AQP9: variants seen among roughly 807,000 people sequenced by gnomAD.
AQP9 encodes the protein aquaporin 9, also known as aquaporin-9.
Under a neutral mutation model 23.8 loss-of-function variants are expected in AQP9, and 19 were observed. The ratio of observed to expected loss-of-function variants is 0.80; its 90% CI spans 0.56 to 1.17. AQP9 has a LOEUF of 1.17. Ranked by LOEUF, AQP9 falls within the 50% of genes most tolerant of loss-of-function variation. The pLI is 0.00. For missense variants in AQP9, 413 were observed against 362.0 expected (o/e 1.14, Z -1.14); for synonymous variants, 153 against 131.5 (o/e 1.16, Z -1.12).
chr15:58,149,421 C>A (rs773887329), intron 1 of AQP9, among the ~76,000 whole-genome samples: 9 of 152,156 alleles, frequency 5.9e-5, no homozygotes, highest in Non-Finnish European at 1.3e-4. Flanking sequence ...CAAACCTTGG[C>A]CCCAGCACGT....
chr15:58,183,930 A>G, intron 5 of AQP9, 31 bp from the exon 6 acceptor site: 2 of 1,611,436 alleles, frequency 1.2e-6, no homozygotes, highest in Non-Finnish European at 8.5e-7. Context: ...AAGGCCAAGA[A>G]ATGTATCACT....
intron 1 of AQP9, among the ~76,000 whole-genome samples, chr15:58,141,036 A>G (rs1233041715): frequency 2.0e-5 from 3 of 152,330 alleles, no homozygotes; most frequent in South Asian, 2.1e-4. Flanking sequence ...ACCAACAACA[A>G]TTAAGTCATA....
chr15:58,174,158 C>A (rs1337506093), intron 3 of AQP9, among the ~76,000 whole-genome samples: 6 of 151,956 alleles, frequency 3.9e-5, no homozygotes, highest in Admixed American at 2.6e-4. Context: ...TGTGGTAACT[C>A]ACATCTGTAG....
At chr15:58,177,822 G>T (rs1898792400) in intron 4 of AQP9, among the ~76,000 whole-genome samples, 2 of 152,108 alleles carry the variant, frequency 1.3e-5, no homozygotes, top group Non-Finnish European at 2.9e-5. Context: ...TAATAACATA[G>T]AAACCAGCTA....
intron 2 of AQP9, among the ~76,000 whole-genome samples, chr15:58,170,526 T>A (rs1898596929): frequency 6.6e-6 from 1 of 151,994 alleles, no homozygotes; most frequent in South Asian, 2.1e-4. Context: ...TGCCTCAGCC[T>A]CCCAAGTAGC....
intron 1 of AQP9, among the ~76,000 whole-genome samples, chr15:58,140,273 G>A (rs144470740): frequency 4.0e-5 from 6 of 148,688 alleles, no homozygotes; most frequent in East Asian, 2.0e-4. Flanking sequence ...TCATAATCCC[G>A]TGCTTTCTGT....
At chr15:58,181,488 A>G (rs1012863899) in intron 5 of AQP9, among the ~76,000 whole-genome samples, 2 of 152,220 alleles carry the variant, frequency 1.3e-5, no homozygotes, top group Non-Finnish European at 2.9e-5. Flanking sequence ...GAACATTTAT[A>G]GTATTTGGAT....
chr15:58,147,592 T>C (rs1898070773), intron 1 of AQP9, among the ~76,000 whole-genome samples: 1 of 152,158 alleles, frequency 6.6e-6, no homozygotes, highest in African/African-American at 2.4e-5. Flanking sequence ...CATGCTAAGA[T>C]GTGAGCCTAG....
intron 5 of AQP9, 110 bp downstream of exon 5, chr15:58,179,455 A>C: frequency 1.1e-6 from 1 of 893,636 alleles, no homozygotes. Flanking sequence ...CGCCAACGTT[A>C]ACTGCACACT....
Position 58,174,929 on chromosome 15 carries a change from T to A in AQP9, c.388T>A (p.Ser130Thr), listed in dbSNP as rs1250304680. 4 of 1,614,110 alleles carry A rather than the reference T, an allele frequency of 2.5e-6. No individual in the cohort carries two copies. The highest frequency in any genetic ancestry group is 1.6e-4 in the Middle Eastern group (1 of 6,062). Residue 130 changes from serine to threonine, a missense_variant, in exon 4 of 6, where the codon TCC (serine) becomes ACC (threonine). Ser to Thr is a moderately conservative substitution (Grantham distance 58). Coordinates refer to ENST00000219919, the MANE Select transcript of AQP9 (RefSeq NM_020980.5). ...VFGIYYDGLM[S>T]FAGGKLLIVG... The stretch of plus-strand genomic sequence containing the variant: ...TTTCTCTTTCATAGATGGACTTATG[T>A]CCTTTGCTGGTGGAAAACTGCTGAT...
chr15:58,172,515 G>A (rs1227653926), intron 2 of AQP9, among the ~76,000 whole-genome samples: 2 of 152,190 alleles, frequency 1.3e-5, no homozygotes, highest in Non-Finnish European at 2.9e-5. Context: ...CAGAGGAACT[G>A]AGAACAAGCC....
At chr15:58,163,851 A>G (rs2140613686) in intron 1 of AQP9, 1 of 152,314 alleles carries the variant, frequency 6.6e-6, no homozygotes, top group African/African-American at 2.4e-5. Context: ...GATCTCCAGC[A>G]AGCAGCCCAT....
chr15:58,171,194 T>C (rs137923080), intron 2 of AQP9, among the ~76,000 whole-genome samples: 2,235 of 152,052 alleles, frequency 0.015, 23 homozygotes, highest in Middle Eastern at 0.048. Context: ...TTCAAGCAAT[T>C]AGCCTGCCTC....
chr15:58,148,584 A>G (rs1157115139), intron 1 of AQP9, among the ~76,000 whole-genome samples: 1 of 152,222 alleles, frequency 6.6e-6, no homozygotes, highest in African/African-American at 2.4e-5. Context: ...CCACTCACAC[A>G]CAGCCCACTC....
At chr15:58,172,268 G>C (rs1463594295) in intron 2 of AQP9, among the ~76,000 whole-genome samples, 1 of 152,170 alleles carries the variant, frequency 6.6e-6, no homozygotes, top group Non-Finnish European at 1.5e-5. Flanking sequence ...GTTCTTAAGA[G>C]GATCAAATCC....
intron 5 of AQP9, among the ~76,000 whole-genome samples, chr15:58,183,302 G>A (rs1898933908): frequency 6.6e-6 from 1 of 152,156 alleles, no homozygotes; most frequent in Non-Finnish European, 1.5e-5. Flanking sequence ...AGAAGATGGT[G>A]ACAACTCACA....
intron 1 of AQP9, among the ~76,000 whole-genome samples, chr15:58,142,800 A>G (rs1258268684): frequency 1.3e-5 from 2 of 151,958 alleles, no homozygotes; most frequent in Non-Finnish European, 2.9e-5. Flanking sequence ...CTAGCTTGCT[A>G]TTTTACAAAA....
At chr15:58,150,928 T>C (rs1271672102) in intron 1 of AQP9, 1 of 152,192 alleles carries the variant, frequency 6.6e-6, no homozygotes, top group Non-Finnish European at 1.5e-5. Context: ...TAGGCTTGAC[T>C]TATGAATGAA....
At position 58,173,108 on chromosome 15, in the gene AQP9, CTT is replaced by C. The variant is rs1209625906; in HGVS notation, c.281_282del (p.Phe94TrpfsTer32). ...NPAVSLAMCLFGRMKWFKLPF... is the reference protein window; with the variant it reads ...NPAVSLAMCLXGRMKWFKLPF... ...CAGCTGTGTCTTTAGCAATGTGTCTCTTTGGACGGATGAAATGGTTCAAATTG... is the reference window on the plus strand; with the variant it reads ...CAGCTGTGTCTTTAGCAATGTGTCTCTGGACGGATGAAATGGTTCAAATTG... On this transcript the variant is annotated frameshift_variant, in exon 3 of 6. Coordinates refer to ENST00000219919, the MANE Select transcript of AQP9 (RefSeq NM_020980.5). LOFTEE classifies it high-confidence loss of function. The C allele has an allele frequency of 6.2e-7, 1 of 1,614,014 alleles. No individual in the cohort carries two copies. The highest frequency in any genetic ancestry group is 8.5e-7 in the Non-Finnish European group (1 of 1,179,894).
Sources: gnomAD v4.1 joint callset for allele counts (sites outside exome capture counted in the v4.1 genomes callset) on GRCh38, gnomAD v4.1.1 for gene constraint, MANE v1.5 for transcripts, NCBI Gene and HGNC (gene_info 2026-07-23, HGNC 2026-07-21) for gene names.